Variants in SYNJ2BP observed in about 807,000 individuals in gnomAD.
The protein encoded by SYNJ2BP is synaptojanin 2 binding protein.
SYNJ2BP carries 10 observed loss-of-function variants against 16.9 expected under a neutral mutation model. The ratio of observed to expected loss-of-function variants is 0.59; its 90% CI spans 0.36 to 1.00. SYNJ2BP has a LOEUF of 1.00. Ranked by LOEUF, SYNJ2BP falls within the 50% of genes least tolerant of loss-of-function variation. SYNJ2BP has a pLI of 0.01. For synonymous variants in SYNJ2BP, 54 were observed against 68.4 expected (o/e 0.79, Z 1.04); for missense variants, 162 against 186.7 (o/e 0.87, Z 0.77).
intron 2 of SYNJ2BP, among the ~76,000 whole-genome samples, chr14:70,377,231 T>C (rs1887650845): frequency 6.6e-6 from 1 of 152,246 alleles, no homozygotes; most frequent in African/African-American, 2.4e-5. Context: ...GGAGTTCCTG[T>C]TGTAATTTCA....
chr14:70,394,547 A>G (rs1397894528), intron 1 of SYNJ2BP, among the ~76,000 whole-genome samples: 1 of 151,876 alleles, frequency 6.6e-6, no homozygotes, highest in Non-Finnish European at 1.5e-5. Context: ...TGGCAAGATT[A>G]AAATGGGTTG....
In SYNJ2BP at chr14:70,388,618, A is replaced by G. The variant is rs150271881; in HGVS notation, c.65-12T>C. The G allele has an allele frequency of 6.5e-5, 96 of 1,479,212 alleles. No homozygotes were observed. In the East Asian group the frequency reaches 2.4e-3, roughly 37 times the overall value. 91.6% of individuals were successfully genotyped at this position (1,479,212 alleles called of 1,614,324 possible). ...GTTGAAGCCCAGCCCTGAGAAAATC[A>G]TGGAGGAGTAAAAAGATGGGGGTGA... On this transcript the variant is annotated splice_polypyrimidine_tract_variant and intron_variant, in intron 1 of 3. Coordinates refer to ENST00000256366, the MANE Select transcript of SYNJ2BP (RefSeq NM_018373.3).
chr14:70,409,489 T>C (rs1034837324), intron 1 of SYNJ2BP, among the ~76,000 whole-genome samples: 5 of 152,242 alleles, frequency 3.3e-5, no homozygotes, highest in Non-Finnish European at 5.9e-5. Flanking sequence ...GTTTCTGCAG[T>C]TGAACATCTA....
Position 70,384,251 on chromosome 14 carries a change from T to C in SYNJ2BP, c.201+4219A>G, listed in dbSNP as rs540394239. Among the ~76,000 whole-genome samples the C allele has an allele frequency of 1.7e-4, 26 of 152,306 alleles. No homozygotes were observed. In the South Asian group the frequency reaches 5.4e-3, roughly 32 times the overall value. ...AGGTATGTGCTAAGGAAGAGATACATTTTTAGTTTATCTAGCAAACATTAC... is the reference window on the plus strand; with the variant it reads ...AGGTATGTGCTAAGGAAGAGATACACTTTTAGTTTATCTAGCAAACATTAC... On this transcript the variant is annotated intron_variant, in intron 2 of 3. Transcript: ENST00000256366.
rs1887471166 is a variant in SYNJ2BP, at chr14:70,369,487, T to C, written c.*3504A>G. ...ACCACTTCCAGTGAGAGAATATCAT[T>C]GATGCTGGCATCTGAAGTCCTGAGT... On this transcript the variant is annotated 3_prime_UTR_variant, in exon 4 of 4. Coordinates refer to ENST00000256366, the MANE Select transcript of SYNJ2BP (RefSeq NM_018373.3). 1 of 152,226 alleles carries C rather than the reference T, an allele frequency of 6.6e-6. No individual in the cohort carries two copies. Among genetic ancestry groups the C allele is most frequent in the South Asian group, 2.1e-4 (1 of 4,832 alleles). The allele number at this position is 152,226 out of a possible 1,614,324, so 9.4% of individuals were successfully genotyped here. A position where few individuals can be genotyped will look rare whatever the true frequency, so the allele number is the denominator to read the frequency against.
intron 2 of SYNJ2BP, among the ~76,000 whole-genome samples, chr14:70,382,765 C>T (rs570163998): frequency 6.6e-6 from 1 of 152,290 alleles, no homozygotes; most frequent in Admixed American, 6.5e-5. Flanking sequence ...TGGTGTTGTT[C>T]TAGTTAACTG....
At chr14:70,386,313 G>A (rs1382957369) in intron 2 of SYNJ2BP, among the ~76,000 whole-genome samples, 2 of 152,208 alleles carry the variant, frequency 1.3e-5, no homozygotes, top group East Asian at 3.8e-4. Flanking sequence ...CTTTTGAGAA[G>A]ACAGGTATAT....
At chr14:70,391,731 AAAGG>A (rs1887984411) in intron 1 of SYNJ2BP, among the ~76,000 whole-genome samples, 2 of 152,224 alleles carry the variant, frequency 1.3e-5, no homozygotes, top group South Asian at 2.1e-4. Flanking sequence ...TGTAGAAAAA[AAAGG>A]AAGAGTAGAA....
At chr14:70,391,846 TG>T (rs1887987283) in intron 1 of SYNJ2BP, among the ~76,000 whole-genome samples, 1 of 152,264 alleles carries the variant, frequency 6.6e-6, no homozygotes. Context: ...TTGCTACTTC[TG>T]TTGTAAATGA....
chr14:70,396,108 C>T (rs1888087141), intron 1 of SYNJ2BP, among the ~76,000 whole-genome samples: 1 of 151,966 alleles, frequency 6.6e-6, no homozygotes, highest in Admixed American at 6.6e-5. Context: ...GTTTTGAGTT[C>T]CTTCCTGCAA....
intron 2 of SYNJ2BP, among the ~76,000 whole-genome samples, chr14:70,383,960 A>AT (rs34105178): frequency 0.053 from 7,686 of 144,064 alleles, 231 homozygotes; most frequent in Middle Eastern, 0.078. Flanking sequence ...AGAGGAAACT[A>AT]TTTTTTTTTT....
chr14:70,414,693 A>T (rs766614302), intron 1 of SYNJ2BP, among the ~76,000 whole-genome samples: 19 of 152,196 alleles, frequency 1.2e-4, no homozygotes, highest in Non-Finnish European at 2.5e-4. Flanking sequence ...CAAACATCTC[A>T]AGAGGTAGTA....
At position 70,372,791 on chromosome 14, in the gene SYNJ2BP, C is replaced by G; in HGVS notation, c.*200G>C. The G allele has an allele frequency of 1.4e-6, 1 of 727,846 alleles. No individual in the cohort carries two copies. Among genetic ancestry groups the G allele is most frequent in the Non-Finnish European group, 2.1e-6 (1 of 470,392 alleles). The allele number at this position is 727,846 out of a possible 1,614,324, so 45.1% of individuals were successfully genotyped here. ...TCATTTGTTCTAAGCCAAGTCTTTT[C>G]TTCAGTTTTCCTTCAAACAATACCT... is the stretch of plus-strand genomic sequence containing the variant. On this transcript the variant is annotated 3_prime_UTR_variant, in exon 4 of 4. Transcript: ENST00000256366.
chr14:70,401,219 C>T (rs2140859074), intron 1 of SYNJ2BP, among the ~76,000 whole-genome samples: 1 of 152,180 alleles, frequency 6.6e-6, no homozygotes, highest in Admixed American at 6.5e-5. Context: ...GAATGAGAGA[C>T]CTACTTTATA....
intron 1 of SYNJ2BP, among the ~76,000 whole-genome samples, chr14:70,401,978 TCTTC>T (rs1218616869): frequency 6.6e-6 from 1 of 152,190 alleles, no homozygotes; most frequent in Non-Finnish European, 1.5e-5. Flanking sequence ...TCCACTCTGC[TCTTC>T]CTTCCTTTTG....
At chr14:70,398,828 C>T (rs1402800981) in intron 1 of SYNJ2BP, among the ~76,000 whole-genome samples, 2 of 152,294 alleles carry the variant, frequency 1.3e-5, no homozygotes, top group East Asian at 3.9e-4. Flanking sequence ...ATATTCAGAG[C>T]AGGAGTGACA....
chr14:70,375,751 C>A lies in SYNJ2BP; in HGVS notation c.222G>T (p.Lys74Asn). The stretch of plus-strand genomic sequence containing the variant: ...CTACAGCATCCTGGTGCAGCAGGTT[C>A]TTTAGGTCTTGGCCATTTACCTGTC... ...KILSVNGQDL[K>N]NLLHQDAVDL... The change falls in exon 3 of 4, where the codon AAG (lysine) becomes AAT (asparagine). Residue 74 changes from lysine (K) to asparagine (N), a missense_variant. Physicochemically the swap from Lys to Asn is moderately conservative, Grantham distance 94. Coordinates refer to ENST00000256366, the MANE Select transcript of SYNJ2BP (RefSeq NM_018373.3). The A allele has an allele frequency of 6.2e-7, 1 of 1,614,048 alleles. No homozygotes were observed. The highest frequency in any genetic ancestry group is 8.5e-7 in the Non-Finnish European group (1 of 1,179,974).
chr14:70,392,248 C>T (rs1887994791), intron 1 of SYNJ2BP, among the ~76,000 whole-genome samples: 1 of 152,166 alleles, frequency 6.6e-6, no homozygotes, highest in South Asian at 2.1e-4. Flanking sequence ...AGATATAAAG[C>T]TAACCTGGAC....
At chr14:70,412,325 G>A (rs117173108) in intron 1 of SYNJ2BP, among the ~76,000 whole-genome samples, 216 of 152,134 alleles carry the variant, frequency 1.4e-3, no homozygotes, top group Non-Finnish European at 2.1e-3. Flanking sequence ...ACACACCTGG[G>A]TTAAAAATCC....
Sources: allele counts gnomAD v4.1 joint callset (sites outside exome capture counted in the v4.1 genomes callset), GRCh38; gene constraint gnomAD v4.1.1; transcripts MANE v1.5; gene names NCBI Gene and HGNC (gene_info 2026-07-23, HGNC 2026-07-21).